Variants in RBKS observed in about 807,000 individuals in gnomAD.
RBKS encodes ribokinase.
A neutral mutation model predicts 33.9 loss-of-function variants in RBKS; 33 were observed. The ratio of observed to expected loss-of-function variants is 0.97; its 90% CI spans 0.74 to 1.30. The LOEUF (loss-of-function observed/expected upper bound fraction) is 1.30, where lower values mean the gene tolerates loss of function less well. Among genes scored for constraint, RBKS ranks in the 50% most tolerant of loss-of-function variants. The probability of loss-of-function intolerance (pLI) is 0.00; values close to 1 mark genes in which losing one functional copy is unlikely to be tolerated. For synonymous variants in RBKS, 125 were observed against 143.0 expected, an observed-to-expected ratio of 0.87 and a Z score of 0.90; for missense variants, 361 against 392.6, an observed-to-expected ratio of 0.92 and a Z score of 0.68.
At chr2:27,861,441 C>T (rs1663982275) in intron 1 of RBKS, 2 of 469,694 alleles carry the variant, frequency 4.3e-6, no homozygotes, top group Admixed American at 4.7e-5. Flanking sequence ...CTCCCAGTAT[C>T]AGCAGCATTC....
intron 2 of RBKS, among the ~76,000 whole-genome samples, chr2:27,854,977 T>C (rs1663826521): frequency 6.6e-6 from 1 of 152,192 alleles, no homozygotes; most frequent in Admixed American, 6.5e-5. Flanking sequence ...GTGCCTATAG[T>C]TCATAATACT....
chr2:27,889,922 T>C (rs959474114), intron 1 of RBKS: 8 of 263,408 alleles, frequency 3.0e-5, no homozygotes, highest in East Asian at 7.1e-5. Flanking sequence ...CAAAGTTCCC[T>C]GGCTCGTTTG....
At chr2:27,857,855 A>G (rs1420863284) in intron 2 of RBKS, among the ~76,000 whole-genome samples, 2 of 152,218 alleles carry the variant, frequency 1.3e-5, no homozygotes, top group Non-Finnish European at 2.9e-5. Flanking sequence ...GATCTTTAAA[A>G]ACAATAAACT....
intron 2 of RBKS, among the ~76,000 whole-genome samples, chr2:27,852,010 G>A (rs1314216349): frequency 1.3e-5 from 2 of 152,176 alleles, no homozygotes; most frequent in Admixed American, 1.3e-4. Context: ...CATAGTCTGA[G>A]ATAACCTGTC....
chr2:27,786,792 A>G (rs201781535), intron 7 of RBKS, among the ~76,000 whole-genome samples: 3 of 144,290 alleles, frequency 2.1e-5, no homozygotes, highest in Non-Finnish European at 3.0e-5. Context: ...AAAAAAAAAA[A>G]AAAGAAAGAA....
intron 2 of RBKS, among the ~76,000 whole-genome samples, chr2:27,853,322 C>T (rs564509922): frequency 4.2e-5 from 6 of 141,954 alleles, no homozygotes; most frequent in South Asian, 2.3e-4. Context: ...GCTGTAGCAC[C>T]GTAGTACTAC....
intron 7 of RBKS, among the ~76,000 whole-genome samples, chr2:27,826,895 G>A (rs963354911): frequency 6.6e-6 from 1 of 151,890 alleles, no homozygotes. Flanking sequence ...GCCTAGTTTC[G>A]AATCTCCAGC....
intron 6 of RBKS, among the ~76,000 whole-genome samples, chr2:27,828,959 C>G (rs1400010257): frequency 6.6e-6 from 1 of 152,154 alleles, no homozygotes; most frequent in Non-Finnish European, 1.5e-5. Context: ...GTGGCATGAT[C>G]ATAGCTCACT....
intron 1 of RBKS, among the ~76,000 whole-genome samples, chr2:27,859,174 C>T (rs1186220010): frequency 6.6e-6 from 1 of 152,126 alleles, no homozygotes; most frequent in Non-Finnish European, 1.5e-5. Flanking sequence ...CATCATTTCA[C>T]GTGCTCACTC....
At chr2:27,849,583 A>AAAAAG (rs1663695477) in intron 2 of RBKS, among the ~76,000 whole-genome samples, 1 of 135,706 alleles carries the variant, frequency 7.4e-6, no homozygotes, top group African/African-American at 3.2e-5. Context: ...AAAAAAAAAA[A>AAAAAG]AAAGAAAAAG....
intron 7 of RBKS, among the ~76,000 whole-genome samples, chr2:27,804,227 AATATAC>A (rs1677855589): frequency 6.6e-6 from 1 of 152,198 alleles, no homozygotes; most frequent in African/African-American, 2.4e-5. Context: ...AGATATAATT[AATATAC>A]ATATAATACA....
chr2:27,810,104 C>G lies in RBKS; in HGVS notation c.795+17463G>C. 2.3e-6 allele frequency: 3 copies of G among 1,301,902 alleles called. No homozygotes were observed. Among genetic ancestry groups the G allele is most frequent in the Non-Finnish European group, 3.0e-6 (3 of 988,116 alleles). The allele number at this position is 1,301,902 out of a possible 1,614,324, so 80.6% of individuals were successfully genotyped here. A position where few individuals can be genotyped will look rare whatever the true frequency, so the allele number is the denominator to read the frequency against. ...TCTGTGAATCTAACTGCATTGAAAG[C>G]TGGTGTGGATGATTCACAACCAACT... On this transcript the variant is annotated intron_variant, in intron 7 of 7. Coordinates refer to ENST00000302188, the MANE Select transcript of RBKS (RefSeq NM_022128.3). The surrounding 1 kb of genome is among the most constrained non-coding windows in gnomAD (Gnocchi z 4.4).
At chr2:27,830,162 C>T (rs553185131) in intron 6 of RBKS, among the ~76,000 whole-genome samples, 1 of 152,188 alleles carries the variant, frequency 6.6e-6, no homozygotes, top group Admixed American at 6.5e-5. Context: ...TTCATTGTGT[C>T]CATTAGTATT....
chr2:27,781,674 C>G lies in RBKS; in HGVS notation c.910G>C (p.Ala304Pro), dbSNP rs1677286739. 6.2e-7 allele frequency: 1 copy of G among 1,614,028 alleles called. No homozygotes were observed. Among genetic ancestry groups the G allele is most frequent in the South Asian group, 1.1e-5 (1 of 91,076 alleles). ...GGGTAAGATGACTGTGTTCCTGCAGCCTGGACACTGACTGCTGCAATGAAA... is the reference window on the plus strand; with the variant it reads ...GGGTAAGATGACTGTGTTCCTGCAGGCTGGACACTGACTGCTGCAATGAAA... ...SNFIAAVSVQ[A>P]AGTQSSYPYK... The change falls in exon 8 of 8, where the codon GCT becomes CCT. Residue 304 changes from alanine (A) to proline (P), a missense_variant. By Grantham distance (27) the Ala-to-Pro change is conservative. Coordinates refer to ENST00000302188, the MANE Select transcript of RBKS (RefSeq NM_022128.3).
At chr2:27,782,958 A>C (rs1677318318) in intron 7 of RBKS, among the ~76,000 whole-genome samples, 1 of 152,068 alleles carries the variant, frequency 6.6e-6, no homozygotes, top group Non-Finnish European at 1.5e-5. Flanking sequence ...GGTCTCTTCC[A>C]TTTATTTATT....
chr2:27,887,581 G>A (rs968663039), intron 1 of RBKS, among the ~76,000 whole-genome samples: 4 of 152,144 alleles, frequency 2.6e-5, no homozygotes, highest in Admixed American at 6.6e-5. Context: ...CATAAGTAAC[G>A]AGAGATCATG....
intron 5 of RBKS, 94 bp from the exon 6 acceptor site, chr2:27,832,871 G>A (rs749056380): frequency 2.7e-5 from 22 of 822,342 alleles, no homozygotes; most frequent in Middle Eastern, 2.3e-4. Context: ...CCCCGAGTTC[G>A]TTTTTGTCTT....
intron 7 of RBKS, among the ~76,000 whole-genome samples, chr2:27,807,854 T>C (rs533992096): frequency 4.4e-4 from 67 of 152,234 alleles, no homozygotes; most frequent in Admixed American, 7.8e-4. Context: ...AAAAATGAAC[T>C]ACATTAGGTA....
Position 27,890,147 on chromosome 2 carries a change from T to C in RBKS, c.89+110A>G. The stretch of plus-strand genomic sequence containing the variant: ...AAAACCTGCAGCTCATACCCAAAGC[T>C]AGCACTGTCTATCCCTGGAGACCCA... On this transcript the variant is annotated intron_variant, in intron 1 of 7. Coordinates refer to ENST00000302188, the MANE Select transcript of RBKS (RefSeq NM_022128.3). This position sits in a 1 kb window ranked among gnomAD's most constrained non-coding sequence, Gnocchi z 4.8. 1 of 956,450 alleles carries C rather than the reference T, an allele frequency of 1.0e-6. No individual in the cohort carries two copies. Among genetic ancestry groups the C allele is most frequent in the Non-Finnish European group, 1.6e-6 (1 of 627,820 alleles). 59.2% of individuals were successfully genotyped at this position (956,450 alleles called of 1,614,324 possible).
Sources: allele counts gnomAD v4.1 joint callset (sites outside exome capture counted in the v4.1 genomes callset), GRCh38; gene constraint gnomAD v4.1.1; non-coding constraint Gnocchi (gnomAD v3.1); transcripts MANE v1.5; gene names NCBI Gene and HGNC (gene_info 2026-07-23, HGNC 2026-07-21).